SERPINI2: variants seen among roughly 807,000 people sequenced by gnomAD.
SERPINI2 encodes serpin I2.
Under a neutral mutation model 47.3 loss-of-function variants are expected in SERPINI2, and 48 were observed. The ratio of observed to expected loss-of-function variants is 1.02; its 90% CI spans 0.81 to 1.29. The LOEUF is 1.29. SERPINI2 is among the 50% of genes most tolerant of loss of function. The pLI, the probability that SERPINI2 is intolerant of heterozygous loss-of-function variation, is 0.00. For synonymous variants in SERPINI2, 135 were observed against 149.3 expected, an observed-to-expected ratio of 0.90 and a Z score of 0.70; for missense variants, 448 against 456.9, an observed-to-expected ratio of 0.98 and a Z score of 0.18.
At chr3:167,460,495 A>G (rs1296612787) in intron 5 of SERPINI2, among the ~76,000 whole-genome samples, 1 of 152,264 alleles carries the variant, frequency 6.6e-6, no homozygotes, top group African/African-American at 2.4e-5. Flanking sequence ...AACTAAATAC[A>G]TAAGCAAATT....
exon 5 of SERPINI2, chr3:167,465,317 A>T: frequency 6.2e-7 from 1 of 1,613,078 alleles, no homozygotes; most frequent in Non-Finnish European, 8.5e-7. Context: ...TTCTGCAGGA[A>T]GTATGATAAT....
Position 167,453,663 on chromosome 3 carries a change from G to C in SERPINI2, c.867-630C>G, listed in dbSNP as rs953790322. Among the ~76,000 whole-genome samples the C allele has an allele frequency of 1.3e-4, 19 of 150,246 alleles. No individual in the cohort carries two copies. In the East Asian group the frequency reaches 1.4e-3, roughly 11 times the overall value. The stretch of plus-strand genomic sequence containing the variant: ...AGACAAAAATTACAGGAGTGGGGGG[G>C]GGTGGGCAAAAAAAAAAGGAGGTAG... On this transcript the variant is annotated intron_variant, in intron 5 of 8. Transcript: ENST00000264677.
Position 167,446,500 on chromosome 3 carries a change from A to G in SERPINI2, c.1052-19T>C, listed in dbSNP as rs759273911. The G allele has an allele frequency of 4.7e-5, 68 of 1,438,748 alleles. 1 individual carries two copies. The South Asian group carries it at 7.4e-4, about 16-fold the overall frequency. 89.1% of individuals were successfully genotyped at this position (1,438,748 alleles called of 1,614,324 possible). On this transcript the variant is annotated intron_variant, in intron 7 of 8. Coordinates refer to ENST00000264677, the Ensembl canonical transcript of SERPINI2. ...TGTATGCCTATAAAATAGAGACAAC[A>G]GTTATTTAGATACTTGCATTAAAAG... is the stretch of plus-strand genomic sequence containing the variant.
intron 2 of SERPINI2, among the ~76,000 whole-genome samples, chr3:167,468,724 G>A (rs935836470): frequency 1.3e-5 from 2 of 152,048 alleles, no homozygotes; most frequent in African/African-American, 4.8e-5. Context: ...TTACTTATTT[G>A]TACAATGATT....
chr3:167,442,056 C>T, exon 9 of SERPINI2: 4 of 1,378,556 alleles, frequency 2.9e-6, no homozygotes, highest in Non-Finnish European at 4.0e-6. Flanking sequence ...CGATATTTTG[C>T]CAATCAGCTA....
intron 3 of SERPINI2, 36 bp downstream of exon 3, chr3:167,467,019 G>C: frequency 6.8e-7 from 1 of 1,474,890 alleles, no homozygotes; most frequent in Non-Finnish European, 9.4e-7. Flanking sequence ...TGAATACAAT[G>C]GCAAATAATA....
chr3:167,453,215 A>G (rs1749691012), intron 5 of SERPINI2, among the ~76,000 whole-genome samples, 182 bp from the exon 6 acceptor site: 2 of 152,198 alleles, frequency 1.3e-5, no homozygotes, highest in Non-Finnish European at 2.9e-5. Flanking sequence ...CTGGGTTGCC[A>G]ATAACTTGCT....
chr3:167,471,792 CA>C lies in SERPINI2; in HGVS notation c.42del (p.Phe14LeufsTer39), dbSNP rs1355848781. 2.5e-6 allele frequency: 4 copies of C among 1,612,190 alleles called. No individual in the cohort carries two copies. The highest frequency in any genetic ancestry group is 3.4e-6 in the Non-Finnish European group (4 of 1,178,722). ...GCTGAGCATCTTGAGGCTTGACTTC[CA>C]AAAAACAGCAATAGAAGACTCCACA... is the stretch of plus-strand genomic sequence containing the variant. On this transcript the variant is annotated frameshift_variant, in exon 2 of 9. Transcript: ENST00000264677. LOFTEE classifies it high-confidence loss of function.
At chr3:167,464,127 C>T (rs1289662963) in intron 5 of SERPINI2, among the ~76,000 whole-genome samples, 1 of 150,058 alleles carries the variant, frequency 6.7e-6, no homozygotes, top group Admixed American at 6.7e-5. Context: ...GATTCTCTTG[C>T]CTCAGCCTCC....
At chr3:167,465,602 A>C in exon 4 of SERPINI2, 1 of 1,613,750 alleles carries the variant, frequency 6.2e-7, no homozygotes, top group South Asian at 1.1e-5. Flanking sequence ...CCTTTGAAAT[A>C]AATAGCATTC....
chr3:167,467,339 C>T (rs1560236161), intron 2 of SERPINI2, 54 bp from the exon 3 acceptor site: 1 of 1,297,718 alleles, frequency 7.7e-7, no homozygotes. Context: ...AAAACAACAG[C>T]TTTTCAGCTT....
At position 167,467,380 on chromosome 3, in the gene SERPINI2, G is replaced by A. The variant is rs138967445; in HGVS notation, c.248-95C>T. ...TCTAAGTACTCTGATTCATATCACC[G>A]TTTTTTGCACCCTTAGGTATAACTA... On this transcript the variant is annotated intron_variant, in intron 2 of 8. Coordinates refer to ENST00000264677, the Ensembl canonical transcript of SERPINI2. The A allele has an allele frequency of 3.7e-4, 293 of 793,474 alleles. 1 individual carries two copies. The African/African-American group carries it at 4.2e-3, about 11-fold the overall frequency. The allele number at this position is 793,474 out of a possible 1,614,324, so 49.2% of individuals were successfully genotyped here.
intron 7 of SERPINI2, 91 bp from the exon 8 acceptor site, chr3:167,446,572 G>T: frequency 1.3e-6 from 1 of 783,648 alleles, no homozygotes; most frequent in Non-Finnish European, 2.0e-6. Context: ...GACAGGAAAA[G>T]TCATTTTGTG....
At chr3:167,464,313 C>T (rs372049631) in intron 5 of SERPINI2, among the ~76,000 whole-genome samples, 5 of 152,066 alleles carry the variant, frequency 3.3e-5, no homozygotes, top group Non-Finnish European at 2.9e-5. Context: ...CATGCCTGGC[C>T]AGGAGTGGCT....
upstream of SERPINI2, among the ~76,000 whole-genome samples, chr3:167,475,738 A>G (rs1189430826): frequency 6.7e-6 from 1 of 150,214 alleles, no homozygotes; most frequent in Non-Finnish European, 1.5e-5. Context: ...TGGGGGGAGA[A>G]TTATTCATTA....
At chr3:167,473,620 A>C in intron 1 of SERPINI2, 1 of 435,694 alleles carries the variant, frequency 2.3e-6, no homozygotes, top group Non-Finnish European at 3.9e-6. Flanking sequence ...TATTATTAAT[A>C]ATCTTAATAA....
At chr3:167,448,710 G>A (rs1577167689) in intron 7 of SERPINI2, among the ~76,000 whole-genome samples, 1 of 152,150 alleles carries the variant, frequency 6.6e-6, no homozygotes, top group Non-Finnish European at 1.5e-5. Context: ...TTTTAGTAGA[G>A]ACGGGGTTTC....
intron 5 of SERPINI2, among the ~76,000 whole-genome samples, chr3:167,461,211 T>C (rs928384549): frequency 4.6e-5 from 7 of 152,056 alleles, no homozygotes; most frequent in African/African-American, 1.7e-4. Context: ...TGTTTCTAGT[T>C]TGGTATTGAC....
intron 5 of SERPINI2, among the ~76,000 whole-genome samples, chr3:167,459,069 T>A (rs1749900414): frequency 2.1e-5 from 3 of 145,634 alleles, no homozygotes; most frequent in South Asian, 2.1e-4. Flanking sequence ...CCAAAGGAAG[T>A]TTTTTTTTGT....
Sources: gnomAD v4.1 joint callset for allele counts (sites outside exome capture counted in the v4.1 genomes callset) on GRCh38, gnomAD v4.1.1 for gene constraint, MANE v1.5 for transcripts, NCBI Gene and HGNC (gene_info 2026-07-23, HGNC 2026-07-21) for gene names.